The following TBC1D4 variants were observed in gnomAD, a reference collection of about 807,000 sequenced individuals.
TBC1D4 encodes TBC1 domain family member 4.
In TBC1D4, 121 loss-of-function variants were observed where a neutral mutation model predicts 142.5. The ratio of observed to expected loss-of-function variants is 0.85; its 90% CI spans 0.73 to 0.99. The LOEUF is 0.99. Among genes scored for constraint, TBC1D4 ranks in the 50% least tolerant of loss-of-function variants. The pLI is 0.00. For missense variants in TBC1D4, 1,475 were observed against 1,606.6 expected, an observed-to-expected ratio of 0.92 and a Z score of 1.40; for synonymous variants, 630 against 628.2, an observed-to-expected ratio of 1.00 and a Z score of -0.04.
rs773708820 is a variant in TBC1D4, at chr13:75,390,440, A to G, written c.499-27833T>C. Among the ~76,000 whole-genome samples the G allele has an allele frequency of 2.8e-4, 42 of 152,106 alleles. 1 individual carries two copies. The highest frequency in any genetic ancestry group is 5.3e-4 in the Non-Finnish European group (36 of 68,012). ...GGAATCACCTAAAAATAGGGCTTAC[A>G]CCATGGCTGCTGAAGAGTATTCTCA... is the stretch of plus-strand genomic sequence containing the variant. On this transcript the variant is annotated intron_variant, in intron 1 of 20. Coordinates refer to ENST00000377636, the MANE Select transcript of TBC1D4 (RefSeq NM_014832.5).
Position 75,464,687 on chromosome 13 carries a change from T to C in TBC1D4, c.498+16583A>G, listed in dbSNP as rs576950128. ...CGGGCTGGTCTCGGCACCTGGCAAA[T>C]GCCCTTGATCTTGCATTGGCACAAA... On this transcript the variant is annotated intron_variant, in intron 1 of 20. Transcript: ENST00000377636. 9.2e-5 allele frequency among the ~76,000 whole-genome samples: 14 copies of C among 152,306 alleles called. No individual in the cohort carries two copies. In the South Asian group the frequency reaches 2.7e-3, roughly 29 times the overall value.
chr13:75,417,924 T>C (rs1460177746), intron 1 of TBC1D4, among the ~76,000 whole-genome samples: 1 of 152,226 alleles, frequency 6.6e-6, no homozygotes, highest in Non-Finnish European at 1.5e-5. Flanking sequence ...CTTCCACATT[T>C]GTCAACGTGG....
intron 13 of TBC1D4, among the ~76,000 whole-genome samples, chr13:75,310,512 A>G (rs981635173): frequency 6.6e-6 from 1 of 152,220 alleles, no homozygotes; most frequent in Non-Finnish European, 1.5e-5. Flanking sequence ...GCTAGGTATC[A>G]GTGATCTCCG....
intron 1 of TBC1D4, among the ~76,000 whole-genome samples, chr13:75,413,007 T>G (rs1885742837): frequency 6.6e-6 from 1 of 152,112 alleles, no homozygotes; most frequent in Non-Finnish European, 1.5e-5. Flanking sequence ...CCACACAGCT[T>G]ACCTTCCAGT....
At chr13:75,452,007 A>G (rs1043723114) in intron 1 of TBC1D4, among the ~76,000 whole-genome samples, 1 of 152,126 alleles carries the variant, frequency 6.6e-6, no homozygotes, top group Non-Finnish European at 1.5e-5. Flanking sequence ...ATGTAATTTT[A>G]AGTGAGTAAA....
At chr13:75,395,906 G>C (rs538899754) in intron 1 of TBC1D4, among the ~76,000 whole-genome samples, 8 of 152,156 alleles carry the variant, frequency 5.3e-5, no homozygotes, top group Non-Finnish European at 1.2e-4. Context: ...CAAGCAGTAA[G>C]TTGTTGTGCC....
intron 13 of TBC1D4, among the ~76,000 whole-genome samples, chr13:75,311,774 A>G (rs1877782383): frequency 6.6e-6 from 1 of 152,122 alleles, no homozygotes; most frequent in Non-Finnish European, 1.5e-5. Flanking sequence ...ATAAATGATT[A>G]TGATTATTTG....
intron 1 of TBC1D4, among the ~76,000 whole-genome samples, chr13:75,402,132 T>TCTTA (rs1325421288): frequency 6.6e-6 from 1 of 152,168 alleles, no homozygotes; most frequent in African/African-American, 2.4e-5. Flanking sequence ...TGGCACAGAT[T>TCTTA]CTAGTAGAAT....
chr13:75,306,321 A>C lies in TBC1D4; in HGVS notation c.2744T>G (p.Leu915Arg). 1 of 1,610,338 alleles carries C rather than the reference A, an allele frequency of 6.2e-7. No individual in the cohort carries two copies. The highest frequency in any genetic ancestry group is 1.1e-5 in the South Asian group (1 of 90,368). ...GAGATTATCCCAAATACCTTCTTTA[A>C]GAAGAGTATGAATATCTTCCATATC... ...RCDMEDIHTL[L>R]KEGVPKSRRG... The change falls in exon 15 of 21, where the codon CTT becomes CGT. Residue 915 changes from leucine (L) to arginine (R), a missense_variant. Physicochemically the swap from Leu to Arg is moderately radical, Grantham distance 102 (BLOSUM62 -2). Around this residue, in one of 2 missense-constraint regions of TBC1D4, gnomAD observed 1,227 missense variants for 1,267.7 expected, o/e 0.97. Transcript: ENST00000377636.
At chr13:75,309,576 T>C (rs1877531160) in intron 14 of TBC1D4, among the ~76,000 whole-genome samples, 1 of 152,204 alleles carries the variant, frequency 6.6e-6, no homozygotes, top group Admixed American at 6.5e-5. Context: ...ATTTGCTTTC[T>C]CATATTTAAG....
At chr13:75,427,308 C>A (rs1886416485) in intron 1 of TBC1D4, among the ~76,000 whole-genome samples, 1 of 152,112 alleles carries the variant, frequency 6.6e-6, no homozygotes, top group Non-Finnish European at 1.5e-5. Context: ...ATCTCCTGAC[C>A]TCGTGATCCA....
At chr13:75,363,339 G>A (rs976845524) in intron 1 of TBC1D4, among the ~76,000 whole-genome samples, 2 of 152,128 alleles carry the variant, frequency 1.3e-5, no homozygotes, top group African/African-American at 4.8e-5. Context: ...CCCTGTGAAA[G>A]GAAAATATCT....
At chr13:75,324,967 C>T (rs938380323) in intron 10 of TBC1D4, among the ~76,000 whole-genome samples, 1 of 152,144 alleles carries the variant, frequency 6.6e-6, no homozygotes, top group Non-Finnish European at 1.5e-5. Flanking sequence ...CTAGAAGATT[C>T]TTTGCATAGC....
At chr13:75,432,151 T>C (rs1415705056) in intron 1 of TBC1D4, among the ~76,000 whole-genome samples, 1 of 152,160 alleles carries the variant, frequency 6.6e-6, no homozygotes, top group African/African-American at 2.4e-5. Flanking sequence ...TGGAGTTGGC[T>C]TTACAGACAA....
intron 1 of TBC1D4, among the ~76,000 whole-genome samples, chr13:75,478,853 T>C (rs1172720901): frequency 6.6e-6 from 1 of 152,230 alleles, no homozygotes; most frequent in Non-Finnish European, 1.5e-5. Context: ...ACTGCGCTTG[T>C]CCACTCAACA....
chr13:75,389,526 T>C (rs1383449343), intron 1 of TBC1D4, among the ~76,000 whole-genome samples: 1 of 152,214 alleles, frequency 6.6e-6, no homozygotes, highest in Non-Finnish European at 1.5e-5. Flanking sequence ...TTGGTTTTAT[T>C]TAACTATTGT....
chr13:75,392,620 C>T (rs1414983974), intron 1 of TBC1D4, among the ~76,000 whole-genome samples: 1 of 150,576 alleles, frequency 6.6e-6, no homozygotes, highest in South Asian at 2.1e-4. Flanking sequence ...CCCTCCTCCT[C>T]CTCGTCCTAC....
At chr13:75,357,643 C>T (rs1231591934) in intron 3 of TBC1D4, among the ~76,000 whole-genome samples, 4 of 152,188 alleles carry the variant, frequency 2.6e-5, no homozygotes, top group Non-Finnish European at 4.4e-5. Context: ...AAACCATTCC[C>T]GTAGTCCCCA....
intron 1 of TBC1D4, among the ~76,000 whole-genome samples, chr13:75,426,159 A>G (rs9593074): frequency 0.049 from 7,444 of 152,252 alleles, 624 homozygotes; most frequent in African/African-American, 0.17. Context: ...AGAAGACATA[A>G]AAATGGCCGA....
Sources: allele counts gnomAD v4.1 joint callset (sites outside exome capture counted in the v4.1 genomes callset), GRCh38; gene constraint gnomAD v4.1.1; regional missense constraint gnomAD v4.1.1; transcripts MANE v1.5; gene names NCBI Gene and HGNC (gene_info 2026-07-23, HGNC 2026-07-21).